The following ADCK1 variants were observed in gnomAD, a reference collection of about 807,000 sequenced individuals.
The protein encoded by ADCK1 is aarF domain containing kinase 1.
Under a neutral mutation model 52.3 loss-of-function variants are expected in ADCK1, and 41 were observed. The observed-to-expected ratio is 0.78, with a 90% confidence interval of 0.61 to 1.02. ADCK1 has a LOEUF of 1.02. ADCK1 is among the 50% of genes least tolerant of loss of function. ADCK1 has a pLI of 0.00. For missense variants in ADCK1, 658 were observed against 679.5 expected (o/e 0.97, Z 0.35); for synonymous variants, 250 against 274.6 (o/e 0.91, Z 0.89).
At chr14:77,895,769 C>T (rs562075240) in intron 5 of ADCK1, among the ~76,000 whole-genome samples, 1 of 152,258 alleles carries the variant, frequency 6.6e-6, no homozygotes, top group East Asian at 1.9e-4. Flanking sequence ...TAACCTGACC[C>T]CCTCCCCACC....
Position 77,910,724 on chromosome 14 carries a change from G to C in ADCK1, c.858+2805G>C, listed in dbSNP as rs142269200. The stretch of plus-strand genomic sequence containing the variant: ...AACAAATGCAAACACAGAAAGGTGC[G>C]CTCTGGGTAGTTGTTTGCTTATGGC... On this transcript the variant is annotated intron_variant, in intron 7 of 10. Coordinates refer to ENST00000238561, the MANE Select transcript of ADCK1 (RefSeq NM_020421.4). Among the ~76,000 whole-genome samples the C allele has an allele frequency of 1.1e-4, 17 of 152,328 alleles. No homozygotes were observed. In the East Asian group the frequency reaches 2.9e-3, roughly 26 times the overall value.
chr14:77,896,892 C>T (rs887756285), intron 5 of ADCK1, among the ~76,000 whole-genome samples: 2 of 152,150 alleles, frequency 1.3e-5, no homozygotes, highest in South Asian at 2.1e-4. Flanking sequence ...TAACACGGTG[C>T]GATGATTCTT....
chr14:77,823,658 C>T (rs865884223), intron 3 of ADCK1, among the ~76,000 whole-genome samples: 7 of 151,282 alleles, frequency 4.6e-5, no homozygotes, highest in African/African-American at 1.2e-4. Context: ...TTGCAACCTC[C>T]GTTTCCTGGA....
chr14:77,875,927 A>G (rs1175193455), intron 4 of ADCK1, among the ~76,000 whole-genome samples: 1 of 152,148 alleles, frequency 6.6e-6, no homozygotes, highest in East Asian at 1.9e-4. Flanking sequence ...TGTTCCCCTC[A>G]TCTCATTCCC....
In ADCK1 at chr14:77,848,399, C is replaced by T. The variant is rs142554537; in HGVS notation, c.220-10677C>T. Among the ~76,000 whole-genome samples the T allele has an allele frequency of 5.4e-3, 818 of 152,280 alleles. 1 individual carries two copies. The highest frequency in any genetic ancestry group is 9.5e-3 in the Non-Finnish European group (643 of 68,020). ...CCGTGCAATGAGGAGAATGATAGTA[C>T]CTATCTCAAGGGCTTTTACCTGGGT... On this transcript the variant is annotated intron_variant, in intron 3 of 10. Transcript: ENST00000238561.
At chr14:77,907,077 C>T (rs1017488688) in intron 6 of ADCK1, among the ~76,000 whole-genome samples, 1 of 152,016 alleles carries the variant, frequency 6.6e-6, no homozygotes, top group African/African-American at 2.4e-5. Flanking sequence ...CTATGCCTGG[C>T]TAATTTTTGT....
chr14:77,910,522 G>T (rs112422977), intron 7 of ADCK1, among the ~76,000 whole-genome samples: 14 of 152,234 alleles, frequency 9.2e-5, no homozygotes, highest in African/African-American at 3.4e-4. Context: ...AGGGTCTGTC[G>T]CCTGCTGATC....
At chr14:77,805,840 G>A (rs1026096941) in intron 1 of ADCK1, among the ~76,000 whole-genome samples, 1 of 151,998 alleles carries the variant, frequency 6.6e-6, no homozygotes, top group Non-Finnish European at 1.5e-5. Context: ...TTCTACAATA[G>A]TGATGTTTAT....
chr14:77,899,380 T>G, intron 6 of ADCK1, 122 bp downstream of exon 6: 3 of 1,294,764 alleles, frequency 2.3e-6, no homozygotes, highest in African/African-American at 1.5e-5. Flanking sequence ...TGAGTCCTCT[T>G]ACTGAGGATG....
intron 5 of ADCK1, among the ~76,000 whole-genome samples, chr14:77,891,467 G>A (rs1430124377): frequency 1.3e-5 from 2 of 152,214 alleles, no homozygotes; most frequent in South Asian, 2.1e-4. Flanking sequence ...GACAGCTGTC[G>A]CTTTTTCTTT....
intron 3 of ADCK1, among the ~76,000 whole-genome samples, chr14:77,844,221 C>T (rs560110401): frequency 6.6e-6 from 1 of 152,074 alleles, no homozygotes; most frequent in Non-Finnish European, 1.5e-5. Flanking sequence ...GCTGGGACTA[C>T]AAGCGCACAC....
intron 3 of ADCK1, among the ~76,000 whole-genome samples, chr14:77,850,398 A>T (rs976804858): frequency 6.6e-6 from 1 of 152,170 alleles, no homozygotes; most frequent in Non-Finnish European, 1.5e-5. Flanking sequence ...AGATATTGAA[A>T]TCTCTGCCTA....
chr14:77,805,733 G>A (rs933288077), intron 1 of ADCK1, among the ~76,000 whole-genome samples: 4 of 152,070 alleles, frequency 2.6e-5, no homozygotes, highest in Admixed American at 2.0e-4. Context: ...AAGTGGTAGG[G>A]CATGAGACCC....
At chr14:77,883,736 C>T (rs939252100) in intron 4 of ADCK1, among the ~76,000 whole-genome samples, 8 of 152,008 alleles carry the variant, frequency 5.3e-5, no homozygotes, top group African/African-American at 1.2e-4. Context: ...GACAGGTTTC[C>T]GGTGCCCAGT....
chr14:77,901,091 C>A (rs2083531110), intron 6 of ADCK1, among the ~76,000 whole-genome samples: 1 of 149,240 alleles, frequency 6.7e-6, no homozygotes, highest in Non-Finnish European at 1.5e-5. Flanking sequence ...GTTGCCCAGA[C>A]TGGAGTGCAG....
At chr14:77,924,810 G>A (rs995363880) in intron 8 of ADCK1, among the ~76,000 whole-genome samples, 4 of 152,200 alleles carry the variant, frequency 2.6e-5, no homozygotes, top group Admixed American at 6.5e-5. Flanking sequence ...TGAGGGTGAC[G>A]GTACCCCCTT....
chr14:77,806,336 C>T (rs1182833368), intron 1 of ADCK1, among the ~76,000 whole-genome samples: 1 of 152,054 alleles, frequency 6.6e-6, no homozygotes, highest in Non-Finnish European at 1.5e-5. Flanking sequence ...CTATATTCCT[C>T]CCAAAGTTAG....
chr14:77,826,896 C>G (rs1459231662), intron 3 of ADCK1, among the ~76,000 whole-genome samples: 1 of 152,108 alleles, frequency 6.6e-6, no homozygotes, highest in Non-Finnish European at 1.5e-5. Flanking sequence ...ACCTGAGCAC[C>G]AGAGCCAGTT....
chr14:77,853,250 GCTGGGATTT>G (rs1371377092), intron 3 of ADCK1, among the ~76,000 whole-genome samples: 2 of 151,790 alleles, frequency 1.3e-5, no homozygotes, highest in African/African-American at 2.4e-5. Flanking sequence ...CTCCCAAGTA[GCTGGGATTT>G]CAGGTGCATG....
Sources: gnomAD v4.1 joint callset for allele counts (sites outside exome capture counted in the v4.1 genomes callset) on GRCh38, gnomAD v4.1.1 for gene constraint, MANE v1.5 for transcripts, NCBI Gene and HGNC (gene_info 2026-07-23, HGNC 2026-07-21) for gene names.